The following ZFYVE9 variants were observed in gnomAD, a reference collection of about 807,000 sequenced individuals.
ZFYVE9 encodes the protein zinc finger FYVE-type containing 9.
ZFYVE9 carries 43 observed loss-of-function variants against 126.7 expected under a neutral mutation model. That is an observed-to-expected ratio of 0.34 (90% CI 0.27 to 0.44). The LOEUF (loss-of-function observed/expected upper bound fraction) is 0.44, where lower values mean the gene tolerates loss of function less well. Among genes scored for constraint, ZFYVE9 ranks in the 20% least tolerant of loss-of-function variants. The probability of loss-of-function intolerance (pLI) is 1.00; values close to 1 mark genes in which losing one functional copy is unlikely to be tolerated. For missense variants in ZFYVE9, 1,476 were observed against 1,697.0 expected (o/e 0.87, Z 2.29); for synonymous variants, 521 against 597.4 (o/e 0.87, Z 1.87).
chr1:52,336,298 T>G (rs1377075718), intron 15 of ZFYVE9, among the ~76,000 whole-genome samples: 2 of 151,848 alleles, frequency 1.3e-5, no homozygotes, highest in Non-Finnish European at 2.9e-5. Flanking sequence ...CAACTAAAAT[T>G]TACAACTCTT....
chr1:52,171,449 G>A (rs1267169021), intron 1 of ZFYVE9, among the ~76,000 whole-genome samples: 4 of 152,124 alleles, frequency 2.6e-5, no homozygotes, highest in African/African-American at 4.8e-5. Flanking sequence ...GAATAGTGCC[G>A]CAATAAACAT....
chr1:52,258,386 G>C (rs1269127398), intron 4 of ZFYVE9, among the ~76,000 whole-genome samples: 2 of 152,160 alleles, frequency 1.3e-5, no homozygotes, highest in Admixed American at 6.5e-5. Context: ...GGAATATAGT[G>C]GGGTATTTTT....
At chr1:52,250,785 C>G (rs985613297) in intron 4 of ZFYVE9, among the ~76,000 whole-genome samples, 1 of 151,722 alleles carries the variant, frequency 6.6e-6, no homozygotes, top group East Asian at 1.9e-4. Context: ...TCTCAGCTCA[C>G]CGCATCCTCA....
At chr1:52,246,190 A>G (rs1645382241) in intron 4 of ZFYVE9, among the ~76,000 whole-genome samples, 1 of 152,178 alleles carries the variant, frequency 6.6e-6, no homozygotes, top group African/African-American at 2.4e-5. Flanking sequence ...TTGGCCTCCC[A>G]AAGTGCTGGG....
intron 12 of ZFYVE9, among the ~76,000 whole-genome samples, chr1:52,301,291 C>CTTTTTTTT (rs527599525): frequency 1.4e-5 from 1 of 72,636 alleles, no homozygotes; most frequent in Non-Finnish European, 2.5e-5. Flanking sequence ...CTTTTTCCAT[C>CTTTTTTTT]TTTTTTTTTT....
chr1:52,156,676 C>G (rs1644405768), intron 1 of ZFYVE9, among the ~76,000 whole-genome samples: 1 of 152,150 alleles, frequency 6.6e-6, no homozygotes, highest in South Asian at 2.1e-4. Flanking sequence ...AAAAGCTAGA[C>G]TTTGGCCAGG....
intron 13 of ZFYVE9, among the ~76,000 whole-genome samples, chr1:52,325,061 T>C (rs1646277839): frequency 6.6e-6 from 1 of 152,104 alleles, no homozygotes; most frequent in South Asian, 2.1e-4. Flanking sequence ...GGGCGGATCA[T>C]GAGGTCAGGA....
chr1:52,283,426 G>A (rs964491598), intron 10 of ZFYVE9, among the ~76,000 whole-genome samples: 1 of 152,216 alleles, frequency 6.6e-6, no homozygotes. Context: ...TCTGGAAGCA[G>A]TGTGAAAAAT....
intron 4 of ZFYVE9, among the ~76,000 whole-genome samples, chr1:52,258,391 A>G (rs1342133751): frequency 6.6e-6 from 1 of 152,166 alleles, no homozygotes; most frequent in African/African-American, 2.4e-5. Flanking sequence ...ATAGTGGGGT[A>G]TTTTTAGTTG....
intron 13 of ZFYVE9, among the ~76,000 whole-genome samples, chr1:52,316,447 T>C (rs1646186202): frequency 6.9e-6 from 1 of 145,786 alleles, no homozygotes; most frequent in South Asian, 2.1e-4. Flanking sequence ...ATCACGCCAC[T>C]GCACTCCAGC....
Position 52,268,695 on chromosome 1 carries a change from G to T in ZFYVE9, c.2625+63G>T, listed in dbSNP as rs557237720. ...CTTTACTCAGCATTGTGCTGCCTCT[G>T]TTGAATTACTTTTGTGTGGAACTCT... is the stretch of plus-strand genomic sequence containing the variant. On this transcript the variant is annotated intron_variant, in intron 7 of 18. Transcript: ENST00000287727. 3.2e-6 allele frequency: 5 copies of T among 1,546,900 alleles called. No individual in the cohort carries two copies. In the South Asian group the frequency reaches 4.9e-5, roughly 15 times the overall value.
At chr1:52,265,991 T>A (rs1208155709) in intron 5 of ZFYVE9, among the ~76,000 whole-genome samples, 1 of 152,230 alleles carries the variant, frequency 6.6e-6, no homozygotes, top group East Asian at 1.9e-4. Flanking sequence ...TTGATGTTGT[T>A]TGACTCCCTC....
At chr1:52,280,039 A>G (rs1231696276) in intron 9 of ZFYVE9, among the ~76,000 whole-genome samples, 2 of 152,102 alleles carry the variant, frequency 1.3e-5, no homozygotes, top group East Asian at 3.8e-4. Flanking sequence ...ATTTGCTTGA[A>G]ATTTCAATTT....
At chr1:52,252,910 CAA>C (rs907088168) in intron 4 of ZFYVE9, 5 of 163,440 alleles carry the variant, frequency 3.1e-5, no homozygotes, top group African/African-American at 7.2e-5. Flanking sequence ...TTTTTTTAAA[CAA>C]GAGGATTATT....
intron 7 of ZFYVE9, among the ~76,000 whole-genome samples, chr1:52,268,932 A>T (rs1645660674): frequency 6.6e-6 from 1 of 152,074 alleles, no homozygotes; most frequent in African/African-American, 2.4e-5. Context: ...TGGTTTTTAA[A>T]GCATGTTCCC....
chr1:52,181,608 G>A lies in ZFYVE9; in HGVS notation c.-142-34761G>A, dbSNP rs1644704432. ...AGTCTGGAAAGTGAGGAGCGTCTCT[G>A]CCCGCCCGCCATCCCATCTAGGAAG... On this transcript the variant is annotated intron_variant, in intron 1 of 18. Coordinates refer to ENST00000287727, the MANE Select transcript of ZFYVE9 (RefSeq NM_004799.4). Among the ~76,000 whole-genome samples the A allele has an allele frequency of 4.6e-5, 7 of 151,244 alleles. No individual in the cohort carries two copies. In the South Asian group the frequency reaches 1.5e-3, roughly 32 times the overall value.
At chr1:52,216,923 T>A (rs1645077162) in intron 2 of ZFYVE9, among the ~76,000 whole-genome samples, 1 of 152,208 alleles carries the variant, frequency 6.6e-6, no homozygotes, top group South Asian at 2.1e-4. Flanking sequence ...CTGGAAGTAT[T>A]CTTGTAGAAC....
chr1:52,183,805 C>T (rs1218613871), intron 1 of ZFYVE9, among the ~76,000 whole-genome samples: 2 of 152,018 alleles, frequency 1.3e-5, no homozygotes, highest in Non-Finnish European at 2.9e-5. Context: ...CGCGTCCAGC[C>T]TCAGCTGTGT....
chr1:52,160,591 G>T, intron 1 of ZFYVE9: 1 of 725,532 alleles, frequency 1.4e-6, no homozygotes, highest in Non-Finnish European at 2.5e-6. Flanking sequence ...TACATTCAAA[G>T]GAATAGTCCA....
Sources: allele counts gnomAD v4.1 joint callset (sites outside exome capture counted in the v4.1 genomes callset), GRCh38; gene constraint gnomAD v4.1.1; transcripts MANE v1.5; gene names NCBI Gene and HGNC (gene_info 2026-07-23, HGNC 2026-07-21).